Variants in EIF2AK4 observed in about 807,000 individuals in gnomAD.
The protein encoded by EIF2AK4 is eukaryotic translation initiation factor 2 alpha kinase 4.
In EIF2AK4, 139 loss-of-function variants were observed where a neutral mutation model predicts 211.1. That is an observed-to-expected ratio of 0.66 (90% confidence interval 0.57 to 0.76). The LOEUF (loss-of-function observed/expected upper bound fraction) is 0.76, where lower values mean the gene tolerates loss of function less well. EIF2AK4 is among the 30% of genes least tolerant of loss of function. The pLI, the probability that EIF2AK4 is intolerant of heterozygous loss-of-function variation, is 0.00. For synonymous variants in EIF2AK4, 710 were observed against 751.3 expected, an observed-to-expected ratio of 0.94 and a Z score of 0.90; for missense variants, 1,664 against 2,043.8, an observed-to-expected ratio of 0.81 and a Z score of 3.58.
intron 16 of EIF2AK4, chr15:39,991,508 A>G (rs1196434905): frequency 6.6e-6 from 1 of 152,316 alleles, no homozygotes; most frequent in Non-Finnish European, 1.5e-5. Context: ...AAGTGTGCCT[A>G]ATACTAGTGC....
intron 15 of EIF2AK4, 79 bp downstream of exon 15, chr15:39,988,184 T>C (rs180949259): frequency 1.3e-6 from 2 of 1,539,116 alleles, no homozygotes; most frequent in East Asian, 2.3e-5. Context: ...AAATGTAAGA[T>C]TGGAGAAAAA....
chr15:39,985,783 T>C (rs1229650886), intron 13 of EIF2AK4, 22 bp from the exon 14 acceptor site: 13 of 1,613,526 alleles, frequency 8.1e-6, no homozygotes, highest in Non-Finnish European at 1.0e-5. Flanking sequence ...TTTTGAGTTA[T>C]TGTGTGTTCG....
At chr15:39,993,234 A>G (rs2034975673) in intron 18 of EIF2AK4, among the ~76,000 whole-genome samples, 1 of 152,126 alleles carries the variant, frequency 6.6e-6, no homozygotes, top group Admixed American at 6.5e-5. Flanking sequence ...CCATCCATCC[A>G]TCCATCCATC....
chr15:39,961,954 A>G lies in EIF2AK4; in HGVS notation c.859+55A>G, dbSNP rs510949. On this transcript the variant is annotated intron_variant, in intron 7 of 38. Coordinates refer to ENST00000263791, the MANE Select transcript of EIF2AK4 (RefSeq NM_001013703.4). ...TATTGTAATGGCAAAAGTTAATCACAAAGGAATGGGATGGATTAGACACTG... is the reference window on the plus strand; with the variant it reads ...TATTGTAATGGCAAAAGTTAATCACGAAGGAATGGGATGGATTAGACACTG... 1,279,310 of 1,371,380 alleles carry G rather than the reference A, an allele frequency of 0.93. 600,517 individuals are homozygous for G. The highest frequency in any genetic ancestry group is 0.98 in the Middle Eastern group (5,429 of 5,562). 85.0% of individuals were successfully genotyped at this position (1,371,380 alleles called of 1,614,324 possible).
At chr15:40,033,029 AC>A (rs1198795339) in intron 37 of EIF2AK4, among the ~76,000 whole-genome samples, 16 of 152,226 alleles carry the variant, frequency 1.1e-4, no homozygotes, top group African/African-American at 3.6e-4. Context: ...TTTATTAAAA[AC>A]AAAAAACAAA....
intron 34 of EIF2AK4, 143 bp from the exon 35 acceptor site, chr15:40,030,216 G>A (rs2035521609): frequency 1.3e-6 from 1 of 777,152 alleles, no homozygotes; most frequent in African/African-American, 1.8e-5. Flanking sequence ...ATGGTTGTAG[G>A]GATAGAAAAC....
chr15:39,995,833 C>G (rs909799385), intron 18 of EIF2AK4, among the ~76,000 whole-genome samples: 4 of 152,198 alleles, frequency 2.6e-5, no homozygotes, highest in Non-Finnish European at 5.9e-5. Context: ...ACATACCCAT[C>G]ACCTCACCTG....
intron 15 of EIF2AK4, among the ~76,000 whole-genome samples, chr15:39,988,349 CTG>C (rs1298015064): frequency 6.6e-6 from 1 of 152,182 alleles, no homozygotes; most frequent in Admixed American, 6.5e-5. Flanking sequence ...GATCAGCAAA[CTG>C]TGGCCCACAG....
At chr15:40,017,551 A>ATATATATATATATATGTATGTATG (rs71132134) in intron 29 of EIF2AK4, among the ~76,000 whole-genome samples, 1 of 87,086 alleles carries the variant, frequency 1.1e-5, no homozygotes, top group African/African-American at 4.5e-5. Context: ...ATATATATAT[A>ATATATATATATATATGTATGTATG]TATGTATTTT....
intron 32 of EIF2AK4, 93 bp from the exon 33 acceptor site, chr15:40,025,884 A>G (rs2035459881): frequency 1.6e-6 from 2 of 1,239,372 alleles, no homozygotes; most frequent in African/African-American, 3.0e-5. Context: ...CACTGACCCA[A>G]ACTATTGATT....
chr15:40,010,504 A>G (rs574131645), intron 26 of EIF2AK4, among the ~76,000 whole-genome samples: 4 of 152,286 alleles, frequency 2.6e-5, no homozygotes, highest in African/African-American at 9.6e-5. Context: ...GAAAAAATGA[A>G]TTAGTGTTAT....
At chr15:39,947,688 G>A (rs941470987) in intron 3 of EIF2AK4, among the ~76,000 whole-genome samples, 3 of 152,178 alleles carry the variant, frequency 2.0e-5, no homozygotes, top group East Asian at 1.9e-4. Flanking sequence ...CAGGGTGAGC[G>A]GTCTAGAGAG....
intron 6 of EIF2AK4, among the ~76,000 whole-genome samples, chr15:39,960,079 G>T (rs1330336959): frequency 6.6e-6 from 1 of 151,482 alleles, no homozygotes; most frequent in Non-Finnish European, 1.5e-5. Flanking sequence ...CAGGAGAATG[G>T]TGTGAACCCG....
intron 19 of EIF2AK4, 53 bp from the exon 20 acceptor site, chr15:39,998,678 C>G (rs949071498): frequency 2.9e-6 from 4 of 1,389,748 alleles, no homozygotes; most frequent in African/African-American, 2.9e-5. Context: ...TGAATAAATG[C>G]TTTCACTGTG....
chr15:39,993,037 CA>C (rs1170277424), intron 18 of EIF2AK4, among the ~76,000 whole-genome samples, 189 bp downstream of exon 18: 167 of 136,712 alleles, frequency 1.2e-3, no homozygotes, highest in African/African-American at 4.0e-3. Context: ...ACAGTCCATC[CA>C]TCCATCCATC....
chr15:40,010,024 G>A (rs2035214571), intron 26 of EIF2AK4, among the ~76,000 whole-genome samples: 1 of 152,186 alleles, frequency 6.6e-6, no homozygotes, highest in Non-Finnish European at 1.5e-5. Context: ...TAATTTGTCA[G>A]ATAGTAAAGT....
chr15:40,014,725 G>A (rs775332566), intron 27 of EIF2AK4, among the ~76,000 whole-genome samples: 2 of 152,194 alleles, frequency 1.3e-5, no homozygotes, highest in Non-Finnish European at 2.9e-5. Flanking sequence ...TGTTACTTAT[G>A]CAAATTTCTG....
chr15:40,017,264 A>C (rs1408607629), intron 29 of EIF2AK4, 22 bp downstream of exon 29: 1 of 1,584,714 alleles, frequency 6.3e-7, no homozygotes, highest in South Asian at 1.1e-5. Context: ...CCCTTTATTT[A>C]TTTGCTCTGA....
intron 15 of EIF2AK4, 31 bp downstream of exon 15, chr15:39,988,136 C>G: frequency 6.2e-7 from 1 of 1,606,706 alleles, no homozygotes; most frequent in Non-Finnish European, 8.5e-7. Flanking sequence ...TATCTGAAGA[C>G]TTATGTTTAC....
Sources: allele counts gnomAD v4.1 joint callset (sites outside exome capture counted in the v4.1 genomes callset), GRCh38; gene constraint gnomAD v4.1.1; transcripts MANE v1.5; gene names NCBI Gene and HGNC (gene_info 2026-07-23, HGNC 2026-07-21).